The following PRR27 variants were observed in gnomAD, a reference collection of about 807,000 sequenced individuals.
PRR27 encodes proline rich 27, also known as proline-rich protein 27.
PRR27 carries 12 observed loss-of-function variants against 16.8 expected under a neutral mutation model. That is an observed-to-expected ratio of 0.71 (90% CI 0.46 to 1.16). The LOEUF (loss-of-function observed/expected upper bound fraction) is 1.16. PRR27 is among the 50% of genes most tolerant of loss of function. PRR27 has a pLI of 0.00. For synonymous variants in PRR27, 100 were observed against 98.4 expected (o/e 1.02, Z -0.10); for missense variants, 277 against 273.3 (o/e 1.01, Z -0.10).
chr4:70,165,538 C>A lies in PRR27; in HGVS notation c.*2877C>A, dbSNP rs554466662. On this transcript the variant is annotated 3_prime_UTR_variant, in exon 5 of 5. Transcript: ENST00000344526. ...CTACTTTTAAAAATGATTTTTCCAC[C>A]TCTAATGTATTCTATAAAATAATAT... 6.6e-6 allele frequency: 1 copy of A among 152,060 alleles called. No individual in the cohort carries two copies. The highest frequency in any genetic ancestry group is 1.5e-5 in the Non-Finnish European group (1 of 67,922). 9.4% of individuals were successfully genotyped at this position (152,060 alleles called of 1,614,324 possible).
intron 1 of PRR27, among the ~76,000 whole-genome samples, chr4:70,155,078 G>T (rs1041983624): frequency 6.6e-6 from 1 of 152,060 alleles, no homozygotes; most frequent in Non-Finnish European, 1.5e-5. Flanking sequence ...AGTACCTCAG[G>T]TATGGTAGAA....
rs1006423009 is a variant in PRR27, at chr4:70,164,979, T to C, written c.*2318T>C. ...GCTTTTACTACAAGATACTGTGAAA[T>C]GTTCTGCTCTGTCAGTTGTGAAAGT... On this transcript the variant is annotated 3_prime_UTR_variant, in exon 5 of 5. Transcript: ENST00000344526. 8.6e-4 allele frequency: 131 copies of C among 152,146 alleles called. No individual in the cohort carries two copies. Among genetic ancestry groups the C allele is most frequent in the African/African-American group, 3.0e-3 (125 of 41,460 alleles). The allele number at this position is 152,146 out of a possible 1,614,324, so 9.4% of individuals were successfully genotyped here.
At position 70,158,611 on chromosome 4, in the gene PRR27, C is replaced by T; in HGVS notation, c.359C>T (p.Ala120Val). The change falls in exon 3 of 5, where the codon GCA becomes GTA. Residue 120 changes from alanine to valine, a missense_variant. Coordinates refer to ENST00000344526, the MANE Select transcript of PRR27 (RefSeq NM_214711.4). ...PFVPPSRFFS[A>V]AAAPAAPPIA... is the part of the protein sequence containing the mutation. ...GTCCCTCCTTCAAGGTTTTTTTCAGCAGCTGCAGCACCCGCTGCCCCACCT... is the reference window on the plus strand; with the variant it reads ...GTCCCTCCTTCAAGGTTTTTTTCAGTAGCTGCAGCACCCGCTGCCCCACCT... 1 of 1,614,126 alleles carries T rather than the reference C, an allele frequency of 6.2e-7. No homozygotes were observed. Among genetic ancestry groups the T allele is most frequent in the Non-Finnish European group, 8.5e-7 (1 of 1,180,006 alleles).
rs1038338422 is a variant in PRR27, at chr4:70,162,703, G to A, written c.*42G>A. Reference sequence around the variant, plus strand: ...TTATTTTCTTCTTTCAGATACTGATGCAGAAATAAGTGAAATCTACAAAAG... The same window carrying A: ...TTATTTTCTTCTTTCAGATACTGATACAGAAATAAGTGAAATCTACAAAAG... On this transcript the variant is annotated 3_prime_UTR_variant, in exon 5 of 5. Transcript: ENST00000344526. The A allele has an allele frequency of 2.6e-5, 4 of 152,142 alleles. No individual in the cohort carries two copies. Among genetic ancestry groups the A allele is most frequent in the African/African-American group, 9.7e-5 (4 of 41,440 alleles). The allele number at this position is 152,142 out of a possible 1,614,324, so 9.4% of individuals were successfully genotyped here. A position where few individuals can be genotyped will look rare whatever the true frequency, so the allele number is the denominator to read the frequency against.
intron 3 of PRR27, among the ~76,000 whole-genome samples, chr4:70,160,433 CTCTCTCTCTCTG>C (rs1728616203): frequency 2.4e-5 from 1 of 40,828 alleles, no homozygotes; most frequent in African/African-American, 5.1e-5. Flanking sequence ...CTCTCTCTCT[CTCTCTCTCTCTG>C]TGTGTGTGTG....
chr4:70,159,039 A>G, intron 3 of PRR27, 139 bp downstream of exon 3: 1 of 731,114 alleles, frequency 1.4e-6, no homozygotes, highest in Non-Finnish European at 2.2e-6. Flanking sequence ...TTGACATACC[A>G]CAAACTACAC....
At chr4:70,157,575 G>T (rs1728515846) in intron 2 of PRR27, among the ~76,000 whole-genome samples, 1 of 151,946 alleles carries the variant, frequency 6.6e-6, no homozygotes, top group Admixed American at 6.6e-5. Context: ...CTGGAGTGCA[G>T]TGGCCTGATC....
chr4:70,164,519 A>G lies in PRR27; in HGVS notation c.*1858A>G, dbSNP rs1200395816. On this transcript the variant is annotated 3_prime_UTR_variant, in exon 5 of 5. Transcript: ENST00000344526. ...TTGCTTCCATCTTCTAGAGCCAAGT[A>G]GGATCTAACTTTAATTTGACTTAGC... 1 of 152,176 alleles carries G rather than the reference A, an allele frequency of 6.6e-6. No individual in the cohort carries two copies. The highest frequency in any genetic ancestry group is 1.5e-5 in the Non-Finnish European group (1 of 68,024). The allele number at this position is 152,176 out of a possible 1,614,324, so 9.4% of individuals were successfully genotyped here.
chr4:70,157,033 G>C (rs1728498254), intron 2 of PRR27, among the ~76,000 whole-genome samples: 1 of 151,926 alleles, frequency 6.6e-6, no homozygotes, highest in African/African-American at 2.4e-5. Context: ...TCAGATTCTA[G>C]GGCTCTATGA....
In PRR27 at chr4:70,165,817, G is replaced by A. The variant is rs868100448; in HGVS notation, c.*3156G>A. ...CAGACAGGTAACTATTCGCATTTAC[G>A]ATTAAGAAATGTTCACACCTTCACA... On this transcript the variant is annotated 3_prime_UTR_variant, in exon 5 of 5. Coordinates refer to ENST00000344526, the MANE Select transcript of PRR27 (RefSeq NM_214711.4). 2.0e-5 allele frequency: 3 copies of A among 152,010 alleles called. No individual in the cohort carries two copies. Among genetic ancestry groups the A allele is most frequent in the African/African-American group, 7.2e-5 (3 of 41,414 alleles). 9.4% of individuals were successfully genotyped at this position (152,010 alleles called of 1,614,324 possible).
At position 70,164,924 on chromosome 4, in the gene PRR27, A is replaced by G. The variant is rs949114526; in HGVS notation, c.*2263A>G. 8.5e-5 allele frequency: 13 copies of G among 152,158 alleles called. No individual in the cohort carries two copies. The highest frequency in any genetic ancestry group is 3.1e-4 in the African/African-American group (13 of 41,458). The allele number at this position is 152,158 out of a possible 1,614,324, so 9.4% of individuals were successfully genotyped here. ...TTGGAATTTTAAAAATAAACATGAC[A>G]TCTTATCATGAGAAACATTTACAGT... On this transcript the variant is annotated 3_prime_UTR_variant, in exon 5 of 5. Transcript: ENST00000344526.
intron 4 of PRR27, 21 bp downstream of exon 4, chr4:70,161,651 T>C: frequency 8.3e-7 from 1 of 1,200,850 alleles, no homozygotes. Flanking sequence ...TGTGATAATA[T>C]AATTTAGAAA....
In PRR27 at chr4:70,163,216, A is replaced by G. The variant is rs1339192725; in HGVS notation, c.*555A>G. The G allele has an allele frequency of 1.3e-5, 2 of 152,158 alleles. No individual in the cohort carries two copies. The highest frequency in any genetic ancestry group is 4.8e-5 in the African/African-American group (2 of 41,422). The allele number at this position is 152,158 out of a possible 1,614,324, so 9.4% of individuals were successfully genotyped here. On this transcript the variant is annotated 3_prime_UTR_variant, in exon 5 of 5. Transcript: ENST00000344526. ...ACCAATTGTCATTTGATTTACTTCA[A>G]AAAATATACCCCCAAATCCTAATAC...
chr4:70,157,504 CTTGT>C (rs896401636), intron 2 of PRR27, among the ~76,000 whole-genome samples: 5 of 151,080 alleles, frequency 3.3e-5, no homozygotes, highest in Middle Eastern at 3.5e-3. Flanking sequence ...TGCTCACTGT[CTTGT>C]TTATTTATTT....
intron 1 of PRR27, 113 bp downstream of exon 1, chr4:70,154,539 G>T (rs983935843): frequency 5.5e-6 from 5 of 904,490 alleles, no homozygotes; most frequent in Non-Finnish European, 7.1e-6. Context: ...GCAGCAGAGA[G>T]ACATAGATGG....
At chr4:70,156,163 C>A (rs2109789985) in intron 2 of PRR27, 86 bp downstream of exon 2, 2 of 713,134 alleles carry the variant, frequency 2.8e-6, no homozygotes, top group South Asian at 6.2e-5. Context: ...GATTTCTTTA[C>A]AGTGAAACTT....
Position 70,164,875 on chromosome 4 carries a change from G to C in PRR27, c.*2214G>C, listed in dbSNP as rs1338989776. On this transcript the variant is annotated 3_prime_UTR_variant, in exon 5 of 5. Coordinates refer to ENST00000344526, the MANE Select transcript of PRR27 (RefSeq NM_214711.4). ...TTGTTAAGTTTTTCATGGGGTAAAA[G>C]AAAGAATTTATTCCAAGAAAATTTT... 1 of 151,968 alleles carries C rather than the reference G, an allele frequency of 6.6e-6. No individual in the cohort carries two copies. The highest frequency in any genetic ancestry group is 1.9e-4 in the East Asian group (1 of 5,200). The allele number at this position is 151,968 out of a possible 1,614,324, so 9.4% of individuals were successfully genotyped here.
chr4:70,161,520 C>T (rs1237453601), intron 3 of PRR27, 66 bp from the exon 4 acceptor site: 1 of 1,016,378 alleles, frequency 9.8e-7, no homozygotes, highest in South Asian at 1.5e-5. Flanking sequence ...AAAAGATAGG[C>T]CCAATACTAT....
rs1178753233 is a variant in PRR27 at position 70,166,546 on chromosome 4, C to T, written c.*3885C>T. 2 of 151,960 alleles carry T rather than the reference C, an allele frequency of 1.3e-5. No homozygotes were observed. The highest frequency in any genetic ancestry group is 2.9e-5 in the Non-Finnish European group (2 of 67,928). The allele number at this position is 151,960 out of a possible 1,614,324, so 9.4% of individuals were successfully genotyped here. A position where few individuals can be genotyped will look rare whatever the true frequency, so the allele number is the denominator to read the frequency against. ...ACACCAATAAGAACATTTTCTCTAA[C>T]CATTTTGAATACGAATAACCATGGA... On this transcript the variant is annotated 3_prime_UTR_variant, in exon 5 of 5. Transcript: ENST00000344526.
Sources: allele counts gnomAD v4.1 joint callset (sites outside exome capture counted in the v4.1 genomes callset), GRCh38; gene constraint gnomAD v4.1.1; transcripts MANE v1.5; gene names NCBI Gene and HGNC (gene_info 2026-07-23, HGNC 2026-07-21).